CSMD3: variants seen among roughly 807,000 people sequenced by gnomAD.
The protein encoded by CSMD3 is CUB and sushi domain-containing protein 3.
A neutral mutation model predicts 435.2 loss-of-function variants in CSMD3; 177 were observed. That is an observed-to-expected ratio of 0.41 (90% CI 0.36 to 0.46). CSMD3 has a LOEUF of 0.46. CSMD3 is among the 20% of genes least tolerant of loss of function. The pLI is 0.34. For missense variants in CSMD3, 4,265 were observed against 4,504.6 expected, an observed-to-expected ratio of 0.95 and a Z score of 1.52; for synonymous variants, 1,656 against 1,520.5, an observed-to-expected ratio of 1.09 and a Z score of -2.07.
intron 28 of CSMD3, among the ~76,000 whole-genome samples, chr8:112,512,958 T>C (rs764056884): frequency 2.6e-5 from 4 of 152,200 alleles, no homozygotes; most frequent in Non-Finnish European, 5.9e-5. Flanking sequence ...AATCAACCTA[T>C]GCAAGCTTCA....
chr8:113,165,830 T>C (rs2092138648), intron 4 of CSMD3, among the ~76,000 whole-genome samples: 1 of 151,774 alleles, frequency 6.6e-6, no homozygotes, highest in Non-Finnish European at 1.5e-5. Flanking sequence ...AAAAAGTAAA[T>C]AGTTGTGTGA....
At chr8:112,392,864 CT>C (rs56809581) in intron 35 of CSMD3, among the ~76,000 whole-genome samples, 5,834 of 122,018 alleles carry the variant, frequency 0.048, 186 homozygotes, top group African/African-American at 0.16. Flanking sequence ...TCTTTTTTTT[CT>C]TTTTTTTTTT....
chr8:113,397,915 G>A (rs1441133231), intron 1 of CSMD3, among the ~76,000 whole-genome samples: 3 of 151,924 alleles, frequency 2.0e-5, no homozygotes, highest in African/African-American at 4.8e-5. Flanking sequence ...CAAACAGCAG[G>A]TTTTGCTTGA....
chr8:113,401,217 T>C (rs1354860796), intron 1 of CSMD3, among the ~76,000 whole-genome samples: 2 of 151,766 alleles, frequency 1.3e-5, no homozygotes, highest in Non-Finnish European at 3.0e-5. Context: ...TCTTTTTCAA[T>C]TCTCAAATAT....
intron 22 of CSMD3, among the ~76,000 whole-genome samples, chr8:112,636,538 TTCTA>T (rs5894094): frequency 0.097 from 14,456 of 149,298 alleles, 776 homozygotes; most frequent in Middle Eastern, 0.13. Flanking sequence ...TCTATCATAT[TTCTA>T]TCTATCTATC....
At chr8:112,386,070 T>C (rs574329283) in intron 36 of CSMD3, among the ~76,000 whole-genome samples, 1 of 152,280 alleles carries the variant, frequency 6.6e-6, no homozygotes, top group African/African-American at 2.4e-5. Context: ...ATTGGAGTGA[T>C]GTGGCCAGAA....
chr8:112,580,930 T>C (rs1261712891), intron 23 of CSMD3, among the ~76,000 whole-genome samples: 1 of 152,026 alleles, frequency 6.6e-6, no homozygotes, highest in East Asian at 1.9e-4. Flanking sequence ...CCTAGATTAA[T>C]TTTCCCACTG....
At chr8:113,253,217 T>C (rs1416433459) in intron 3 of CSMD3, among the ~76,000 whole-genome samples, 3 of 148,854 alleles carry the variant, frequency 2.0e-5, no homozygotes, top group Non-Finnish European at 1.5e-5. Context: ...ACAAGTTAGC[T>C]GACAAAAAAA....
At chr8:112,281,077 A>G (rs1586639380) in intron 59 of CSMD3, 97 bp downstream of exon 59, 1 of 914,332 alleles carries the variant, frequency 1.1e-6, no homozygotes, top group Non-Finnish European at 1.7e-6. Flanking sequence ...TTAAAACCTT[A>G]CATGGTTTTA....
At chr8:112,683,437 G>A (rs1449014102) in intron 15 of CSMD3, among the ~76,000 whole-genome samples, 1 of 151,872 alleles carries the variant, frequency 6.6e-6, no homozygotes. Flanking sequence ...TGTATCTCAG[G>A]AGAACAGGAG....
intron 13 of CSMD3, among the ~76,000 whole-genome samples, chr8:112,741,686 G>A (rs559815870): frequency 6.6e-6 from 1 of 151,784 alleles, no homozygotes; most frequent in African/African-American, 2.4e-5. Context: ...CATGTTATCT[G>A]TTCTTACCAC....
intron 38 of CSMD3, among the ~76,000 whole-genome samples, chr8:112,378,183 A>G (rs946798687): frequency 7.2e-5 from 11 of 152,104 alleles, no homozygotes; most frequent in Non-Finnish European, 1.5e-4. Context: ...AAATGTGGAG[A>G]AAAGGGAACT....
chr8:112,396,419 A>G (rs1830867708), intron 35 of CSMD3, among the ~76,000 whole-genome samples: 1 of 152,176 alleles, frequency 6.6e-6, no homozygotes, highest in South Asian at 2.1e-4. Context: ...CTCCCCATAT[A>G]ATATGTAAAT....
intron 5 of CSMD3, among the ~76,000 whole-genome samples, chr8:113,025,759 G>A (rs1278063577): frequency 6.6e-6 from 1 of 152,066 alleles, no homozygotes; most frequent in African/African-American, 2.4e-5. Context: ...TGATTTTCTG[G>A]GGAGTCAGGA....
rs769033369 is a variant in CSMD3, at chr8:112,337,632, A to G, written c.6752T>C (p.Phe2251Ser). 2 of 1,613,584 alleles carry G rather than the reference A, an allele frequency of 1.2e-6. No individual in the cohort carries two copies. Among genetic ancestry groups the G allele is most frequent in the Non-Finnish European group, 1.7e-6 (2 of 1,179,516 alleles). ...TVGQTISFEC[F>S]PGYTLIGNSA... ...ATTTCCAATTAATGTGTATCCTGGG[A>G]AACATTCAAATGAAATGGTTTGACC... Residue 2251 changes from phenylalanine (F) to serine (S), a missense_variant, in exon 43 of 71, where the codon TTC becomes TCC. Phe to Ser is a radical substitution (Grantham distance 155, BLOSUM62 -2). This residue lies in a region of CSMD3 where 3,255 missense variants were observed against 3,380.2 expected (regional missense o/e 0.96). Transcript: ENST00000297405.
At position 112,656,348 on chromosome 8, in the gene CSMD3, T is replaced by G. The variant is rs2075257089; in HGVS notation, c.2817-7A>C. On this transcript the variant is annotated splice_region_variant and splice_polypyrimidine_tract_variant and intron_variant, in intron 17 of 70. Transcript: ENST00000297405. ...ATTCAGTTCAGTCTGAAATCTAAGATTAAAAGACACATGTGAAAATATATT... is the reference window on the plus strand; with the variant it reads ...ATTCAGTTCAGTCTGAAATCTAAGAGTAAAAGACACATGTGAAAATATATT... 1 of 1,602,070 alleles carries G rather than the reference T, an allele frequency of 6.2e-7. No homozygotes were observed. Among genetic ancestry groups the G allele is most frequent in the African/African-American group, 1.3e-5 (1 of 74,710 alleles).
intron 31 of CSMD3, 123 bp downstream of exon 31, chr8:112,492,366 T>C: frequency 3.8e-6 from 3 of 780,748 alleles, no homozygotes; most frequent in South Asian, 3.0e-5. Flanking sequence ...AATCTCTGCA[T>C]TGCTAGTACG....
intron 2 of CSMD3, among the ~76,000 whole-genome samples, chr8:113,287,132 G>A (rs553624625): frequency 1.3e-4 from 20 of 152,076 alleles, no homozygotes; most frequent in Non-Finnish European, 2.7e-4. Flanking sequence ...AAACTCCATT[G>A]CCCTTTTTGC....
intron 31 of CSMD3, among the ~76,000 whole-genome samples, chr8:112,479,985 C>T (rs544794052): frequency 5.3e-5 from 8 of 152,320 alleles, no homozygotes; most frequent in African/African-American, 1.9e-4. Context: ...CCTGGAAAAG[C>T]TGCAAGCACT....
Sources: gnomAD v4.1 joint callset for allele counts (sites outside exome capture counted in the v4.1 genomes callset) on GRCh38, gnomAD v4.1.1 for gene constraint, gnomAD v4.1.1 regional missense constraint, MANE v1.5 for transcripts, NCBI Gene and HGNC (gene_info 2026-07-23, HGNC 2026-07-21) for gene names.